The following SF3B1 variants were observed in gnomAD, a reference collection of about 807,000 sequenced individuals.
SF3B1 encodes splicing factor 3b subunit 1, also known as pre-mRNA processing 10.
Under a neutral mutation model 153.8 loss-of-function variants are expected in SF3B1, and 12 were observed. The observed-to-expected ratio is 0.08, with a 90% CI of 0.05 to 0.13. SF3B1 has a LOEUF of 0.13. Among genes scored for constraint, SF3B1 ranks in the 10% least tolerant of loss-of-function variants. SF3B1 has a pLI of 1.00. For synonymous variants in SF3B1, 498 were observed against 525.2 expected, an observed-to-expected ratio of 0.95 and a Z score of 0.71; for missense variants, 513 against 1,606.1, an observed-to-expected ratio of 0.32 and a Z score of 11.63.
Position 197,390,564 on chromosome 2 carries a change from C to T in SF3B1, c.*1739G>A, listed in dbSNP as rs907247478. 3 of 151,950 alleles carry T rather than the reference C, an allele frequency of 2.0e-5. No homozygotes were observed. The highest frequency in any genetic ancestry group is 4.4e-5 in the Non-Finnish European group (3 of 68,002). 9.4% of individuals were successfully genotyped at this position (151,950 alleles called of 1,614,324 possible). On this transcript the variant is annotated 3_prime_UTR_variant, in exon 25 of 25. Transcript: ENST00000335508. ...CAAGGAATGATGAGGAGTTACAAAT[C>T]CAACTTGGAAACCCTTAATGCTCAC...
chr2:197,417,388 G>GT (rs2085163864), intron 5 of SF3B1, among the ~76,000 whole-genome samples: 2 of 151,938 alleles, frequency 1.3e-5, no homozygotes, highest in African/African-American at 4.8e-5. Flanking sequence ...TTAAAATGGG[G>GT]TTTTACCATC....
At chr2:197,403,464 G>A in intron 12 of SF3B1, 121 bp downstream of exon 12, 1 of 574,312 alleles carries the variant, frequency 1.7e-6, no homozygotes, top group East Asian at 3.2e-5. Flanking sequence ...AACTGTATTT[G>A]TACATGTATG....
At chr2:197,428,950 G>A (rs1446459790) in intron 1 of SF3B1, among the ~76,000 whole-genome samples, 2 of 151,518 alleles carry the variant, frequency 1.3e-5, no homozygotes, top group South Asian at 2.1e-4. Context: ...CAGCCCGGAC[G>A]ACACAGTGAA....
Position 197,392,369 on chromosome 2 carries a change from A to G in SF3B1, c.3849T>C (p.His1283=), listed in dbSNP as rs2105973602. 10 of 1,594,158 alleles carry G rather than the reference A, an allele frequency of 6.3e-6. No homozygotes were observed. The East Asian group carries it at 8.9e-5, about 14-fold the overall frequency. The part of the protein sequence containing the change: ...YIGSQDALIA[H]YPRIYNDDKN... ...TATCATCGTTGTAGATTCTTGGGTA[A>G]TGTGCTATGAGAGCGTCCTGGGAAC... The change falls in exon 25 of 25, where the codon CAT becomes CAC. Residue 1283 remains histidine (H), a synonymous_variant. Coordinates refer to ENST00000335508, the MANE Select transcript of SF3B1 (RefSeq NM_012433.4).
intron 4 of SF3B1, chr2:197,419,213 A>G: frequency 2.3e-6 from 1 of 435,184 alleles, no homozygotes; most frequent in Non-Finnish European, 4.1e-6. Flanking sequence ...TTTCTTAGAA[A>G]GCATAAATTA....
At chr2:197,399,115 C>T (rs1201767061) in intron 20 of SF3B1, 1 of 1,272,950 alleles carries the variant, frequency 7.9e-7, no homozygotes, top group East Asian at 5.6e-5. Context: ...ATTCTCTCTC[C>T]ATTGCTCTTC....
intron 1 of SF3B1, among the ~76,000 whole-genome samples, chr2:197,424,198 G>A (rs1452895451): frequency 6.6e-6 from 1 of 152,172 alleles, no homozygotes. Flanking sequence ...CCAACACTTT[G>A]GGAGGATGAG....
upstream of SF3B1, chr2:197,435,081 G>A: frequency 6.2e-7 from 1 of 1,602,614 alleles, no homozygotes; most frequent in Non-Finnish European, 8.5e-7. Context: ...AAAATAGCTG[G>A]GGGCTGCACT....
chr2:197,427,909 C>G (rs1423244220), intron 1 of SF3B1, among the ~76,000 whole-genome samples: 3 of 152,068 alleles, frequency 2.0e-5, no homozygotes, highest in Non-Finnish European at 1.5e-5. Flanking sequence ...ATCCCAGCTA[C>G]TCAGGAGGCT....
At position 197,402,890 on chromosome 2, in the gene SF3B1, C is replaced by G. The variant is rs2105987778; in HGVS notation, c.1806+59G>C. ...AATATTAATCTTCAACCATTTCTTT[C>G]CATAATCAATTCCATAAACAGATAT... On this transcript the variant is annotated intron_variant, in intron 13 of 24. Coordinates refer to ENST00000335508, the MANE Select transcript of SF3B1 (RefSeq NM_012433.4). The surrounding 1 kb of genome is among the most constrained non-coding windows in gnomAD (Gnocchi z 4.6). 3 of 1,608,212 alleles carry G rather than the reference C, an allele frequency of 1.9e-6. No homozygotes were observed. The highest frequency in any genetic ancestry group is 2.6e-6 in the Non-Finnish European group (3 of 1,175,882).
At position 197,407,994 on chromosome 2, in the gene SF3B1, C is replaced by CT. The variant is rs756921333; in HGVS notation, c.1239+3dup. 1.2e-6 allele frequency: 2 copies of CT among 1,609,632 alleles called. No homozygotes were observed. Among genetic ancestry groups the CT allele is most frequent in the African/African-American group, 2.7e-5 (2 of 74,746 alleles). On this transcript the variant is annotated splice_donor_region_variant and intron_variant, in intron 9 of 24. Coordinates refer to ENST00000335508, the MANE Select transcript of SF3B1 (RefSeq NM_012433.4). Reference sequence around the variant, plus strand: ...TACCACCTCATTCAAATTTGATGTACTACCTTATATCCTTCTGGGAACATA... The same window carrying CT: ...TACCACCTCATTCAAATTTGATGTACTTACCTTATATCCTTCTGGGAACATA...
chr2:197,432,652 T>C (rs184478481), intron 1 of SF3B1, among the ~76,000 whole-genome samples: 29 of 152,250 alleles, frequency 1.9e-4, no homozygotes, highest in African/African-American at 7.0e-4. Context: ...GGAGGATCAC[T>C]TGTGGTCAGG....
At chr2:197,393,222 CG>C (rs2084833576) in intron 23 of SF3B1, 34 bp from the exon 24 acceptor site, 1 of 1,420,626 alleles carries the variant, frequency 7.0e-7, no homozygotes, top group Non-Finnish European at 9.9e-7. Context: ...CTTTAAGATG[CG>C]GTCTTATAAG....
chr2:197,429,709 G>A lies in SF3B1; in HGVS notation c.28+5263C>T, dbSNP rs538603359. Among the ~76,000 whole-genome samples the A allele has an allele frequency of 1.8e-4, 28 of 152,034 alleles. No homozygotes were observed. The South Asian group carries it at 4.6e-3, about 25-fold the overall frequency. ...TGAGGCAGAAGTATCGCTTGAACCC[G>A]GGAGGCGGAGCTTGCAGTGAGCCGA... On this transcript the variant is annotated intron_variant, in intron 1 of 24. Transcript: ENST00000335508.
intron 5 of SF3B1, among the ~76,000 whole-genome samples, chr2:197,417,527 C>G (rs1331112712): frequency 2.1e-5 from 3 of 142,798 alleles, no homozygotes; most frequent in African/African-American, 7.9e-5. Flanking sequence ...CACCTGAGGT[C>G]AGGAGTTCGA....
intron 4 of SF3B1, chr2:197,418,866 G>C: frequency 4.5e-6 from 7 of 1,567,442 alleles, no homozygotes; most frequent in Non-Finnish European, 6.1e-6. Context: ...GAAGTGATGG[G>C]TTCCTGGGTT....
chr2:197,394,762 G>A (rs938841238), intron 23 of SF3B1, among the ~76,000 whole-genome samples: 10 of 152,044 alleles, frequency 6.6e-5, no homozygotes, highest in African/African-American at 1.4e-4. Flanking sequence ...AAAATTAGCC[G>A]GCCATGGTGG....
intron 22 of SF3B1, among the ~76,000 whole-genome samples, chr2:197,397,365 T>C (rs1203641616): frequency 2.0e-5 from 3 of 152,196 alleles, no homozygotes; most frequent in Admixed American, 6.5e-5. Flanking sequence ...AAAACTTGCC[T>C]TAATAGTTTA....
chr2:197,419,677 G>A, intron 4 of SF3B1: 1 of 224,052 alleles, frequency 4.5e-6, no homozygotes. Context: ...GTTAGTATGG[G>A]CCTGTGAATT....
Sources: gnomAD v4.1 joint callset for allele counts (sites outside exome capture counted in the v4.1 genomes callset) on GRCh38, gnomAD v4.1.1 for gene constraint, Gnocchi (gnomAD v3.1) non-coding constraint, MANE v1.5 for transcripts, NCBI Gene and HGNC (gene_info 2026-07-23, HGNC 2026-07-21) for gene names.